MTOR: variants seen among roughly 807,000 people sequenced by gnomAD.
MTOR encodes the protein mechanistic target of rapamycin kinase, also known as serine/threonine-protein kinase mTOR.
Under a neutral mutation model 319.8 loss-of-function variants are expected in MTOR, and 70 were observed. That is an observed-to-expected ratio of 0.22 (90% CI 0.18 to 0.27). The LOEUF (loss-of-function observed/expected upper bound fraction) is 0.27. Ranked by LOEUF, MTOR falls within the 10% of genes least tolerant of loss-of-function variation. The pLI, the probability that MTOR is intolerant of heterozygous loss-of-function variation, is 1.00. For missense variants in MTOR, 1,890 were observed against 3,274.4 expected (o/e 0.58, Z 10.32); for synonymous variants, 1,183 against 1,211.4 (o/e 0.98, Z 0.49).
intron 32 of MTOR, 101 bp from the exon 33 acceptor site, chr1:11,145,146 A>G: frequency 1.0e-6 from 1 of 995,026 alleles, no homozygotes; most frequent in Non-Finnish European, 1.5e-6. Flanking sequence ...TCTCACTTAA[A>G]TTCCAGGGAT....
rs2100909335 is a variant in MTOR at position 11,240,349 on chromosome 1, G to A, written c.1740C>T (p.Gly580=). Residue 580 remains glycine (G), a synonymous_variant, in exon 11 of 58, where the codon GGC becomes GGT. Transcript: ENST00000361445. Reference sequence around the variant, plus strand: ...GCGTTCGGAGGGCAAGAGTGATGCTGCCCACATCGCTGGCCTCAGGGAGGG... The same window carrying A: ...GCGTTCGGAGGGCAAGAGTGATGCTACCCACATCGCTGGCCTCAGGGAGGG... ...LTTLPEASDV[G]SITLALRTLG... The A allele has an allele frequency of 6.2e-7, 1 of 1,611,704 alleles. No individual in the cohort carries two copies. The highest frequency in any genetic ancestry group is 8.5e-7 in the Non-Finnish European group (1 of 1,178,778).
Position 11,243,228 on chromosome 1 carries a change from G to A in MTOR, c.1298C>T (p.Ala433Val). Residue 433 changes from alanine to valine, a missense_variant, in exon 9 of 58, where the codon GCC becomes GTC. Physicochemically the swap from Ala to Val is moderately conservative, Grantham distance 64. Around this residue, in one of 15 missense-constraint regions of MTOR, gnomAD observed 418 missense variants for 543.1 expected, o/e 0.77. Coordinates refer to ENST00000361445, the MANE Select transcript of MTOR (RefSeq NM_004958.4). ...CVKKEKERTA[A>V]FQALGLLSVA... ...AGAAAGTAGCCCCAGGGCTTGGAAG[G>A]CCGCTGTACGTTCCTTCTCCTTCTT... The A allele has an allele frequency of 6.2e-7, 1 of 1,614,184 alleles. No homozygotes were observed.
At position 11,199,244 on chromosome 1, in the gene MTOR, G is replaced by T. The variant is rs765393198; in HGVS notation, c.4253+14C>A. ...TTGCATGAAGGCAGCAATTAAAAAG[G>T]GTTTATGGCCTACCTGATGAGAGAT... On this transcript the variant is annotated intron_variant, in intron 28 of 57. Transcript: ENST00000361445. This position sits in a 1 kb window ranked among gnomAD's most constrained non-coding sequence, Gnocchi z 4.5. 1.2e-6 allele frequency: 2 copies of T among 1,614,070 alleles called. No individual in the cohort carries two copies. Among genetic ancestry groups the T allele is most frequent in the African/African-American group, 2.7e-5 (2 of 74,912 alleles).
intron 31 of MTOR, among the ~76,000 whole-genome samples, chr1:11,148,019 G>A (rs904309493): frequency 6.6e-6 from 1 of 152,152 alleles, no homozygotes; most frequent in Admixed American, 6.5e-5. Flanking sequence ...GCAGATGGGG[G>A]TTCATTATAC....
intron 19 of MTOR, among the ~76,000 whole-genome samples, chr1:11,221,362 A>G (rs1287452315): frequency 1.3e-5 from 2 of 152,186 alleles, no homozygotes; most frequent in African/African-American, 4.8e-5. Context: ...GAGTATAACT[A>G]TAAGCCAAGT....
intron 32 of MTOR, 32 bp downstream of exon 32, chr1:11,146,644 A>C (rs770251948): frequency 1.3e-6 from 2 of 1,554,268 alleles, no homozygotes; most frequent in African/African-American, 2.7e-5. Context: ...TCTTTTCCTC[A>C]CTGAGAGATC....
Position 11,144,659 on chromosome 1 carries a change from C to T in MTOR, c.4861G>A (p.Glu1621Lys), listed in dbSNP as rs2100505730. The T allele has an allele frequency of 6.2e-7, 1 of 1,614,082 alleles. No individual in the cohort carries two copies. Among genetic ancestry groups the T allele is most frequent in the Non-Finnish European group, 8.5e-7 (1 of 1,180,006 alleles). The part of the protein sequence containing the change: ...RREIIRQIWW[E>K]RLQGCQRIVE... ...TCTACCAAGCTCACCTGCAGTCTCT[C>T]CCACCAGATCTGGCGGATGATCTCT... The change falls in exon 34 of 58, where the codon GAG (glutamate) becomes AAG (lysine). Residue 1621 changes from glutamate to lysine, a missense_variant. Transcript: ENST00000361445.
intron 28 of MTOR, among the ~76,000 whole-genome samples, chr1:11,181,932 C>A (rs1214995259): frequency 6.6e-6 from 1 of 152,038 alleles, no homozygotes; most frequent in Non-Finnish European, 1.5e-5. Flanking sequence ...AAAGTACAAA[C>A]CGAGGCCAGG....
At chr1:11,137,841 T>A (rs1268793737) in intron 36 of MTOR, among the ~76,000 whole-genome samples, 2 of 152,210 alleles carry the variant, frequency 1.3e-5, no homozygotes, top group African/African-American at 4.8e-5. Flanking sequence ...ATACTTTCCT[T>A]TGCCTCAGGC....
chr1:11,193,351 A>G (rs1645625810), intron 28 of MTOR, among the ~76,000 whole-genome samples: 1 of 151,328 alleles, frequency 6.6e-6, no homozygotes, highest in African/African-American at 2.4e-5. Context: ...TCCAAGCTTC[A>G]TGTGCACTCA....
intron 28 of MTOR, chr1:11,194,376 T>C (rs1009498669): frequency 7.9e-7 from 1 of 1,271,546 alleles, no homozygotes; most frequent in African/African-American, 1.5e-5. Context: ...TGTTTGGCTA[T>C]GGGACTGTCA....
chr1:11,144,508 T>C (rs1643861158), intron 34 of MTOR, 140 bp downstream of exon 34: 1 of 643,550 alleles, frequency 1.6e-6, no homozygotes, highest in South Asian at 2.0e-5. Context: ...TATTCTGCTT[T>C]GTATGCAAGC....
chr1:11,127,680 A>G lies in MTOR; in HGVS notation c.6160T>C (p.Leu2054=), dbSNP rs1040887110. ...VKGMFEVLEP[L]HAMMERGPQT... ...GGGCCCCGTTCCATCATAGCATGCAAGGGCTCCAGCACCTCAAACATGCCT... is the reference window on the plus strand; with the variant it reads ...GGGCCCCGTTCCATCATAGCATGCAGGGGCTCCAGCACCTCAAACATGCCT... The change falls in exon 44 of 58, where the codon TTG becomes CTG. Residue 2054 remains leucine (L), a synonymous_variant. Coordinates refer to ENST00000361445, the MANE Select transcript of MTOR (RefSeq NM_004958.4). This position sits in a 1 kb window ranked among gnomAD's most constrained non-coding sequence, Gnocchi z 5.5. 6.2e-7 allele frequency: 1 copy of G among 1,613,960 alleles called. No homozygotes were observed. Among genetic ancestry groups the G allele is most frequent in the Non-Finnish European group, 8.5e-7 (1 of 1,180,026 alleles).
rs1008525417 is a variant in MTOR at position 11,128,601 on chromosome 1, T to C, written c.5812-49A>G. 1.2e-5 allele frequency: 18 copies of C among 1,525,116 alleles called. No individual in the cohort carries two copies. In the African/African-American group the frequency reaches 2.3e-4, roughly 20 times the overall value. The allele number at this position is 1,525,116 out of a possible 1,614,324, so 94.5% of individuals were successfully genotyped here. A position where few individuals can be genotyped will look rare whatever the true frequency, so the allele number is the denominator to read the frequency against. ...TGTAGCATATGAGACTTGAAACAAC[T>C]AGTTATTCTTCTAGGCAAAGATCAA... On this transcript the variant is annotated intron_variant, in intron 41 of 57. Coordinates refer to ENST00000361445, the MANE Select transcript of MTOR (RefSeq NM_004958.4). This position sits in a 1 kb window ranked among gnomAD's most constrained non-coding sequence, Gnocchi z 5.3.
chr1:11,199,368 A>G lies in MTOR; in HGVS notation c.4143T>C (p.Val1381=). ...ACTTGGCAGCTCTCTCACCCAGCAG[A>G]ACAATGCCATTGTCATCTCTCAGTG... is the stretch of plus-strand genomic sequence containing the variant. ...PLPLRDDNGI[V]LLGERAAKCR... Residue 1381 remains valine (V), a synonymous_variant, in exon 28 of 58, where the codon GTT becomes GTC. Coordinates refer to ENST00000361445, the MANE Select transcript of MTOR (RefSeq NM_004958.4). The surrounding 1 kb of genome is among the most constrained non-coding windows in gnomAD (Gnocchi z 4.5). The G allele has an allele frequency of 6.2e-7, 1 of 1,614,178 alleles. No homozygotes were observed. Among genetic ancestry groups the G allele is most frequent in the East Asian group, 2.2e-5 (1 of 44,886 alleles).
At chr1:11,168,298 C>A (rs1445799693) in intron 28 of MTOR, among the ~76,000 whole-genome samples, 1 of 151,768 alleles carries the variant, frequency 6.6e-6, no homozygotes, top group African/African-American at 2.4e-5. Context: ...CCTGCCTCAG[C>A]CTCCTGAGTA....
At position 11,145,003 on chromosome 1, in the gene MTOR, C is replaced by T. The variant is rs1271789662; in HGVS notation, c.4729G>A (p.Ala1577Thr). 1.2e-6 allele frequency: 2 copies of T among 1,614,132 alleles called. No individual in the cohort carries two copies. The highest frequency in any genetic ancestry group is 8.5e-7 in the Non-Finnish European group (1 of 1,180,002). ...CGACTGTAACTCTCTCCTGCCATCG[C>T]AGTTAATTCAGCATCCAGCAGGTCC... Reference protein sequence around the residue: ...ARDLLDAELTAMAGESYSRAY... With the variant: ...ARDLLDAELTTMAGESYSRAY... The change falls in exon 33 of 58, where the codon GCG (alanine) becomes ACG (threonine). Residue 1577 changes from alanine to threonine, a missense_variant. Physicochemically the swap from Ala to Thr is moderately conservative, Grantham distance 58 (BLOSUM62 0). Transcript: ENST00000361445.
chr1:11,241,320 C>CA lies in MTOR; in HGVS notation c.1541+232dup, dbSNP rs750527139. Among the ~76,000 whole-genome samples, 1,342 of 52,484 alleles carry CA rather than the reference C, an allele frequency of 0.026. 42 individuals carry two copies. The highest frequency in any genetic ancestry group is 0.055 in the African/African-American group (892 of 16,238). The allele number at this position is 52,484 out of a possible 152,430, so 34.4% of individuals were successfully genotyped here. Reference sequence around the variant, plus strand: ...TGGGCGACAGAGCGAGACCCCTTCTCAAAAAAAAAAAAAAAAAAAAATGAG... The same window carrying CA: ...TGGGCGACAGAGCGAGACCCCTTCTCAAAAAAAAAAAAAAAAAAAAAATGAG... On this transcript the variant is annotated intron_variant, in intron 10 of 57. Coordinates refer to ENST00000361445, the MANE Select transcript of MTOR (RefSeq NM_004958.4).
At position 11,115,572 on chromosome 1, in the gene MTOR, C is replaced by T; in HGVS notation, c.7017-104G>A. The T allele has an allele frequency of 9.3e-7, 1 of 1,069,986 alleles. No homozygotes were observed. Among genetic ancestry groups the T allele is most frequent in the Non-Finnish European group, 1.4e-6 (1 of 697,790 alleles). 66.3% of individuals were successfully genotyped at this position (1,069,986 alleles called of 1,614,324 possible). On this transcript the variant is annotated intron_variant, in intron 50 of 57. Coordinates refer to ENST00000361445, the MANE Select transcript of MTOR (RefSeq NM_004958.4). The surrounding 1 kb of genome is among the most constrained non-coding windows in gnomAD (Gnocchi z 4.5). The stretch of plus-strand genomic sequence containing the variant: ...AAGCTAGGAGTTGGCAAACGATAGC[C>T]CTCAGCCAATCCAGCCCCTCCACCT...
Sources: allele counts gnomAD v4.1 joint callset (sites outside exome capture counted in the v4.1 genomes callset), GRCh38; gene constraint gnomAD v4.1.1; regional missense constraint gnomAD v4.1.1; non-coding constraint Gnocchi (gnomAD v3.1); transcripts MANE v1.5; gene names NCBI Gene and HGNC (gene_info 2026-07-23, HGNC 2026-07-21).